Variants in PPIH observed in about 807,000 individuals in gnomAD.
PPIH encodes the protein peptidylprolyl isomerase H.
In PPIH, 16 loss-of-function variants were observed where a neutral mutation model predicts 27.6. That is an observed-to-expected ratio of 0.58 (90% CI 0.39 to 0.88). PPIH has a LOEUF of 0.88. PPIH is among the 40% of genes least tolerant of loss of function. PPIH has a pLI of 0.00. For missense variants in PPIH, 155 were observed against 224.1 expected (o/e 0.69, Z 1.97); for synonymous variants, 63 against 76.1 (o/e 0.83, Z 0.90).
intron 5 of PPIH, among the ~76,000 whole-genome samples, chr1:42,661,181 C>A (rs1038382893): frequency 6.6e-6 from 1 of 152,150 alleles, no homozygotes; most frequent in African/African-American, 2.4e-5. Context: ...TTAAGAATAC[C>A]TATAGATGAT....
chr1:42,665,844 G>A, intron 6 of PPIH, 136 bp from the exon 7 acceptor site: 1 of 703,108 alleles, frequency 1.4e-6, no homozygotes, highest in Non-Finnish European at 2.6e-6. Flanking sequence ...CTTAGGCCCT[G>A]GCTCATAATA....
chr1:42,659,635 G>A, intron 4 of PPIH, 69 bp downstream of exon 4: 1 of 1,552,528 alleles, frequency 6.4e-7, no homozygotes, highest in Non-Finnish European at 8.6e-7. Flanking sequence ...CTCTTTAGAG[G>A]AAAATAAAAC....
intron 9 of PPIH, among the ~76,000 whole-genome samples, chr1:42,670,233 A>G (rs1649555299): frequency 6.6e-6 from 1 of 152,096 alleles, no homozygotes; most frequent in South Asian, 2.1e-4. Flanking sequence ...CTTTCTGCCA[A>G]TACTGGGTCC....
At chr1:42,672,071 G>C (rs1288646493) in intron 9 of PPIH, among the ~76,000 whole-genome samples, 1 of 152,012 alleles carries the variant, frequency 6.6e-6, no homozygotes, top group African/African-American at 2.4e-5. Flanking sequence ...TTTTAGTAGA[G>C]ACAGGGTTTC....
intron 2 of PPIH, 45 bp from the exon 3 acceptor site, chr1:42,659,183 T>TGTGA (rs1204350796): frequency 6.2e-7 from 1 of 1,612,650 alleles, no homozygotes; most frequent in Non-Finnish European, 8.5e-7. Context: ...CGCTCACGAC[T>TGTGA]GTGACATCAT....
chr1:42,676,012 CAAAT>C (rs775051809), intron 9 of PPIH, among the ~76,000 whole-genome samples: 5 of 152,286 alleles, frequency 3.3e-5, no homozygotes, highest in Middle Eastern at 3.4e-3. Flanking sequence ...TTGTGAAGGG[CAAAT>C]AAATGAGATA....
intron 4 of PPIH, among the ~76,000 whole-genome samples, chr1:42,660,625 T>C (rs997846985): frequency 4.6e-5 from 7 of 152,188 alleles, no homozygotes; most frequent in Non-Finnish European, 1.0e-4. Context: ...AGACGGGGTT[T>C]TGCCATGTTG....
chr1:42,660,777 C>G (rs1648965105), intron 4 of PPIH, 85 bp from the exon 5 acceptor site: 4 of 1,183,854 alleles, frequency 3.4e-6, no homozygotes, highest in Non-Finnish European at 4.8e-6. Context: ...ATTTTGAAAT[C>G]AACGTTAATC....
At chr1:42,662,515 C>T (rs6670086) in intron 5 of PPIH, among the ~76,000 whole-genome samples, 8,667 of 151,738 alleles carry the variant, frequency 0.057, 385 homozygotes, top group African/African-American at 0.12. Context: ...GTTCATACCA[C>T]TGCACTCCAG....
chr1:42,675,231 T>G (rs570315648), intron 9 of PPIH: 4 of 152,342 alleles, frequency 2.6e-5, no homozygotes, highest in Non-Finnish European at 5.9e-5. Context: ...ACATGTATCT[T>G]GTAATAGAAA....
intron 5 of PPIH, among the ~76,000 whole-genome samples, chr1:42,661,574 T>C (rs1649018241): frequency 6.6e-6 from 1 of 152,190 alleles, no homozygotes; most frequent in Non-Finnish European, 1.5e-5. Context: ...TTCTTAAACC[T>C]GCTTTTGTCC....
downstream of PPIH, among the ~76,000 whole-genome samples, chr1:42,680,044 A>G (rs1649981784): frequency 6.6e-6 from 1 of 152,236 alleles, no homozygotes; most frequent in African/African-American, 2.4e-5. Context: ...GGGAACATTT[A>G]ATTAGAGCAA....
At chr1:42,664,038 C>G (rs1338908884) in intron 5 of PPIH, among the ~76,000 whole-genome samples, 1 of 152,150 alleles carries the variant, frequency 6.6e-6, no homozygotes, top group African/African-American at 2.4e-5. Context: ...GATGATAATG[C>G]TTATTCCTCA....
chr1:42,666,432 T>G (rs1266835219), intron 7 of PPIH, 115 bp from the exon 8 acceptor site: 19 of 1,079,554 alleles, frequency 1.8e-5, no homozygotes, highest in Non-Finnish European at 2.7e-5. Flanking sequence ...CTACCGCATC[T>G]TAATTTCCTA....
chr1:42,664,779 T>C, intron 5 of PPIH, 84 bp from the exon 6 acceptor site: 1 of 1,049,614 alleles, frequency 9.5e-7, no homozygotes. Context: ...AAAGATGTCA[T>C]GCTTTAGGTG....
downstream of PPIH, among the ~76,000 whole-genome samples, chr1:42,680,472 C>G (rs1202318501): frequency 6.6e-6 from 1 of 152,208 alleles, no homozygotes; most frequent in African/African-American, 2.4e-5. Flanking sequence ...GACTCTAAGA[C>G]TTCTCTTAGA....
chr1:42,679,846 AC>A (rs1649978033), downstream of PPIH, among the ~76,000 whole-genome samples: 5 of 152,218 alleles, frequency 3.3e-5, 1 homozygote, highest in Admixed American at 3.3e-4. Context: ...TGTGGAATCC[AC>A]CCACTCTCCA....
chr1:42,674,643 A>C (rs1004134281), intron 9 of PPIH, among the ~76,000 whole-genome samples: 1 of 152,232 alleles, frequency 6.6e-6, no homozygotes, highest in Non-Finnish European at 1.5e-5. Context: ...ACTGTAGATG[A>C]ATTTTCATGT....
At chr1:42,675,456 T>TG (rs2148729057) in intron 9 of PPIH, 1 of 152,380 alleles carries the variant, frequency 6.6e-6, no homozygotes, top group Admixed American at 6.5e-5. Flanking sequence ...TATGTAAGTC[T>TG]GTTTTTCTCT....
Sources: allele counts gnomAD v4.1 joint callset (sites outside exome capture counted in the v4.1 genomes callset), GRCh38; gene constraint gnomAD v4.1.1; transcripts MANE v1.5; gene names NCBI Gene and HGNC (gene_info 2026-07-23, HGNC 2026-07-21).